CCDC25: variants seen among roughly 807,000 people sequenced by gnomAD.
The protein encoded by CCDC25 is coiled-coil domain containing 25, also known as coiled-coil domain-containing protein 25.
Under a neutral mutation model 35.3 loss-of-function variants are expected in CCDC25, and 16 were observed. The observed-to-expected ratio is 0.45, with a 90% CI of 0.31 to 0.69. CCDC25 has a LOEUF of 0.69. Ranked by LOEUF, CCDC25 falls within the 30% of genes least tolerant of loss-of-function variation. CCDC25 has a pLI of 0.06. For synonymous variants in CCDC25, 79 were observed against 80.3 expected (o/e 0.98, Z 0.09); for missense variants, 179 against 250.7 (o/e 0.71, Z 1.93).
chr8:27,765,129 G>A lies in CCDC25; in HGVS notation c.76+75C>T, dbSNP rs572991523. 6.0e-6 allele frequency: 8 copies of A among 1,344,094 alleles called. No homozygotes were observed. The South Asian group carries it at 8.0e-5, about 13-fold the overall frequency. 83.3% of individuals were successfully genotyped at this position (1,344,094 alleles called of 1,614,324 possible). On this transcript the variant is annotated intron_variant, in intron 2 of 8. Transcript: ENST00000356537. ...CTCAGAACCAACAAACTGGGTGGGG[G>A]GCATGGAAGGTGGTGAGTGAGAGAT...
At chr8:27,770,258 A>G (rs1439777987) in intron 1 of CCDC25, among the ~76,000 whole-genome samples, 1 of 152,168 alleles carries the variant, frequency 6.6e-6, no homozygotes, top group Non-Finnish European at 1.5e-5. Context: ...CCTGAGCAAC[A>G]TGATGAAACC....
chr8:27,745,012 T>G (rs1250735507), intron 7 of CCDC25, among the ~76,000 whole-genome samples: 1 of 152,154 alleles, frequency 6.6e-6, no homozygotes, highest in African/African-American at 2.4e-5. Context: ...CAGCTTTTTA[T>G]TTTTATTTTT....
chr8:27,762,125 T>C (rs1348531718), intron 3 of CCDC25, among the ~76,000 whole-genome samples: 1 of 152,132 alleles, frequency 6.6e-6, no homozygotes, highest in Non-Finnish European at 1.5e-5. Context: ...TCAAGAACAG[T>C]GGTCTGAATA....
At chr8:27,771,774 C>T (rs1303740024) in intron 1 of CCDC25, among the ~76,000 whole-genome samples, 1 of 152,156 alleles carries the variant, frequency 6.6e-6, no homozygotes, top group Non-Finnish European at 1.5e-5. Context: ...TAGGAGCTAG[C>T]ATCAGGAAAG....
In CCDC25 at chr8:27,766,925, T is replaced by C. The variant is rs141493298; in HGVS notation, c.29-1674A>G. On this transcript the variant is annotated intron_variant, in intron 1 of 8. Transcript: ENST00000356537. ...ATAAATGATTATAATGGTATGTGTG[T>C]GTATATACATACACATACATGTTTT... Among the ~76,000 whole-genome samples, 9 of 149,696 alleles carry C rather than the reference T, an allele frequency of 6.0e-5. No individual in the cohort carries two copies. The East Asian group carries it at 1.5e-3, about 25-fold the overall frequency.
chr8:27,755,790 A>G (rs1408953434), intron 4 of CCDC25, among the ~76,000 whole-genome samples: 1 of 152,230 alleles, frequency 6.6e-6, no homozygotes, highest in Non-Finnish European at 1.5e-5. Flanking sequence ...TATCAGATAA[A>G]TGCAAACTGA....
Position 27,737,873 on chromosome 8 carries a change from T to TACACAC in CCDC25, c.598-1629_598-1628insGTGTGT, listed in dbSNP as rs1205509698. Among the ~76,000 whole-genome samples, 4 of 107,600 alleles carry TACACAC rather than the reference T, an allele frequency of 3.7e-5. No individual in the cohort carries two copies. The highest frequency in any genetic ancestry group is 2.7e-4 in the East Asian group (1 of 3,706). 70.6% of individuals were successfully genotyped at this position (107,600 alleles called of 152,430 possible). A position where few individuals can be genotyped will look rare whatever the true frequency, so the allele number is the denominator to read the frequency against. On this transcript the variant is annotated intron_variant, in intron 8 of 8. Transcript: ENST00000356537. This position sits in a 1 kb window ranked among gnomAD's most constrained non-coding sequence, Gnocchi z 4.6. The stretch of plus-strand genomic sequence containing the variant: ...GTGGATAAAGAAACTGTGGTGTGTG[T>TACACAC]ATACACACACTCACACACACACACA...
chr8:27,736,396 T>C, intron 8 of CCDC25, 151 bp from the exon 9 acceptor site: 1 of 648,270 alleles, frequency 1.5e-6, no homozygotes, highest in Non-Finnish European at 2.7e-6. Context: ...CTTCTCCGCC[T>C]TAAGTTGTCA....
intron 6 of CCDC25, 53 bp downstream of exon 6, chr8:27,748,441 GA>G (rs1803679662): frequency 2.9e-6 from 4 of 1,398,168 alleles, no homozygotes; most frequent in Non-Finnish European, 4.1e-6. Flanking sequence ...GAAAAGATAG[GA>G]TACTCCATTC....
In CCDC25 at chr8:27,772,617, G is replaced by C. The variant is rs868528431; in HGVS notation, c.-77C>G. On this transcript the variant is annotated 5_prime_UTR_variant, in exon 1 of 9. Transcript: ENST00000356537. ...ACGAAGCTCAGGATACCAGACTCGC[G>C]GCGGCCGCCTGGCCCCCGGAACTCC... 4 of 1,461,082 alleles carry C rather than the reference G, an allele frequency of 2.7e-6. No individual in the cohort carries two copies. The highest frequency in any genetic ancestry group is 3.7e-6 in the Non-Finnish European group (4 of 1,071,370). 90.5% of individuals were successfully genotyped at this position (1,461,082 alleles called of 1,614,324 possible).
In CCDC25 at chr8:27,765,227, TA is replaced by T; in HGVS notation, c.52del (p.Tyr18ThrfsTer12). The T allele has an allele frequency of 6.6e-7, 1 of 1,508,212 alleles. No individual in the cohort carries two copies. Among genetic ancestry groups the T allele is most frequent in the Non-Finnish European group, 9.0e-7 (1 of 1,109,828 alleles). The allele number at this position is 1,508,212 out of a possible 1,614,324, so 93.4% of individuals were successfully genotyped here. On this transcript the variant is annotated frameshift_variant, in exon 2 of 9. Coordinates refer to ENST00000356537, the MANE Select transcript of CCDC25 (RefSeq NM_018246.3). LOFTEE classifies it high-confidence loss of function. ...ACTTTCATATTTATCTTTTCCCATGTAAATAGTGTAGGCAGATGAATTAACT... is the reference window on the plus strand; with the variant it reads ...ACTTTCATATTTATCTTTTCCCATGTAATAGTGTAGGCAGATGAATTAACT... ...SSVNSSAYTI[Y>X]MGKDKYENED...
In CCDC25 at chr8:27,752,577, A is replaced by G. The variant is rs780671098; in HGVS notation, c.179T>C (p.Ile60Thr). The G allele has an allele frequency of 1.2e-6, 2 of 1,613,120 alleles. No individual in the cohort carries two copies. Among genetic ancestry groups the G allele is most frequent in the African/African-American group, 1.3e-5 (1 of 74,872 alleles). ...VYLRLHKGEN[I>T]EDIPKEVLMD... ...CAGCACTTCCTTTGGGATGTCTTCT[A>G]TATTCTCTCCCTGAAACACAAAAAT... is the stretch of plus-strand genomic sequence containing the variant. Residue 60 changes from isoleucine (I) to threonine (T), a missense_variant, in exon 5 of 9, where the codon ATA becomes ACA. Coordinates refer to ENST00000356537, the MANE Select transcript of CCDC25 (RefSeq NM_018246.3).
At chr8:27,752,329 T>A (rs1188595093) in intron 5 of CCDC25, among the ~76,000 whole-genome samples, 183 bp downstream of exon 5, 17 of 152,180 alleles carry the variant, frequency 1.1e-4, no homozygotes, top group Non-Finnish European at 2.9e-5. Context: ...GGGAGATCAG[T>A]TTTTAGTTCT....
chr8:27,748,070 G>A lies in CCDC25; in HGVS notation c.551+7C>T, dbSNP rs369502557. The A allele has an allele frequency of 1.9e-5, 30 of 1,610,658 alleles. No individual in the cohort carries two copies. Among genetic ancestry groups the A allele is most frequent in the Middle Eastern group, 2.2e-4 (1 of 4,482 alleles). Reference sequence around the variant, plus strand: ...AGGTCAGTCTCAATGCCACAGCTCCGACATACCTAAGTTCATCCATTTCCC... The same window carrying A: ...AGGTCAGTCTCAATGCCACAGCTCCAACATACCTAAGTTCATCCATTTCCC... On this transcript the variant is annotated splice_region_variant and intron_variant, in intron 7 of 8. Transcript: ENST00000356537.
intron 2 of CCDC25, among the ~76,000 whole-genome samples, chr8:27,763,672 C>A (rs537000936): frequency 6.6e-6 from 1 of 152,270 alleles, no homozygotes; most frequent in South Asian, 2.1e-4. Context: ...GAGCTGAAAT[C>A]ACGCCACTGC....
At chr8:27,744,347 C>T (rs913865899) in intron 7 of CCDC25, among the ~76,000 whole-genome samples, 5 of 152,190 alleles carry the variant, frequency 3.3e-5, no homozygotes, top group African/African-American at 9.7e-5. Flanking sequence ...AGACAAAGCA[C>T]TCTGTCACCT....
chr8:27,770,653 C>T (rs915928865), intron 1 of CCDC25, among the ~76,000 whole-genome samples: 2 of 151,266 alleles, frequency 1.3e-5, no homozygotes, highest in African/African-American at 2.4e-5. Context: ...GCAGCAGAAT[C>T]GCTTGAACCC....
At chr8:27,768,215 T>C (rs182955918) in intron 1 of CCDC25, among the ~76,000 whole-genome samples, 2 of 151,520 alleles carry the variant, frequency 1.3e-5, no homozygotes, top group East Asian at 3.9e-4. Flanking sequence ...TGGGAGAATA[T>C]ACAGGAAATC....
At chr8:27,755,286 G>A (rs900454118) in intron 4 of CCDC25, among the ~76,000 whole-genome samples, 1 of 152,204 alleles carries the variant, frequency 6.6e-6, no homozygotes, top group African/African-American at 2.4e-5. Flanking sequence ...AAGGATGGGA[G>A]CATGTCAGAG....
Sources: allele counts gnomAD v4.1 joint callset (sites outside exome capture counted in the v4.1 genomes callset), GRCh38; gene constraint gnomAD v4.1.1; non-coding constraint Gnocchi (gnomAD v3.1); transcripts MANE v1.5; gene names NCBI Gene and HGNC (gene_info 2026-07-23, HGNC 2026-07-21).